Variants in RAB3IP observed in about 807,000 individuals in gnomAD.
The protein encoded by RAB3IP is rab-3A-interacting protein.
Under a neutral mutation model 59.1 loss-of-function variants are expected in RAB3IP, and 36 were observed. The observed-to-expected ratio is 0.61, with a 90% CI of 0.47 to 0.80. The LOEUF is 0.80. RAB3IP is among the 30% of genes least tolerant of loss of function. The pLI is 0.00. For synonymous variants in RAB3IP, 207 were observed against 191.2 expected (o/e 1.08, Z -0.68); for missense variants, 511 against 536.0 (o/e 0.95, Z 0.46).
rs1336981472 is a variant in RAB3IP at position 69,751,271 on chromosome 12, T to C, written c.-25-4113T>C. ...TTGGTTAGTGGGAGTCCGTTTGATA[T>C]CAGTCCAGTAGTTTTTGATGGTGTG... On this transcript the variant is annotated intron_variant, in intron 1 of 10. Transcript: ENST00000247833. 3.3e-5 allele frequency among the ~76,000 whole-genome samples: 5 copies of C among 152,294 alleles called. No homozygotes were observed. The South Asian group carries it at 1.0e-3, about 32-fold the overall frequency.
chr12:69,809,023 T>C (rs1592623427), intron 8 of RAB3IP, among the ~76,000 whole-genome samples: 1 of 151,804 alleles, frequency 6.6e-6, no homozygotes, highest in East Asian at 1.9e-4. Flanking sequence ...GGCATGTTTT[T>C]GCAGTGGCTG....
intron 1 of RAB3IP, among the ~76,000 whole-genome samples, chr12:69,745,725 A>G (rs1391671355): frequency 6.6e-6 from 1 of 152,168 alleles, no homozygotes; most frequent in Non-Finnish European, 1.5e-5. Flanking sequence ...TTTGTTACAT[A>G]GGTATACACG....
At chr12:69,749,500 G>A (rs973155452) in intron 1 of RAB3IP, among the ~76,000 whole-genome samples, 4 of 152,156 alleles carry the variant, frequency 2.6e-5, no homozygotes, top group African/African-American at 9.7e-5. Context: ...TTTCCAGATG[G>A]GAGAACCTAG....
At chr12:69,785,239 C>T (rs928449320) in intron 4 of RAB3IP, among the ~76,000 whole-genome samples, 8 of 152,258 alleles carry the variant, frequency 5.3e-5, no homozygotes, top group East Asian at 1.9e-4. Flanking sequence ...ATATCCAGCC[C>T]GCCACCAGGA....
chr12:69,767,824 G>C (rs930339248), intron 3 of RAB3IP, among the ~76,000 whole-genome samples: 2 of 151,836 alleles, frequency 1.3e-5, no homozygotes, highest in African/African-American at 4.8e-5. Context: ...GGAAGGTTGG[G>C]GTGGCTCAGA....
At chr12:69,807,060 G>A (rs1192358126) in intron 8 of RAB3IP, among the ~76,000 whole-genome samples, 3 of 152,058 alleles carry the variant, frequency 2.0e-5, no homozygotes, top group South Asian at 2.1e-4. Context: ...AACCGCCATC[G>A]TCATCATGGC....
chr12:69,812,747 C>A (rs936554994), intron 8 of RAB3IP, 31 bp from the exon 9 acceptor site: 2 of 1,514,510 alleles, frequency 1.3e-6, no homozygotes, highest in African/African-American at 1.4e-5. Context: ...CTTTTCATTT[C>A]AAAAAACTGA....
intron 3 of RAB3IP, among the ~76,000 whole-genome samples, chr12:69,773,299 G>C (rs1207975084): frequency 2.7e-5 from 4 of 150,532 alleles, no homozygotes; most frequent in African/African-American, 7.3e-5. Flanking sequence ...AATATGATTA[G>C]TGATCTTTGA....
At chr12:69,792,699 C>G (rs908867545) in intron 4 of RAB3IP, among the ~76,000 whole-genome samples, 8 of 152,240 alleles carry the variant, frequency 5.3e-5, no homozygotes, top group African/African-American at 1.7e-4. Flanking sequence ...CTCATCTTTC[C>G]TTTTGGGGCT....
chr12:69,763,219 A>C (rs1483693999), intron 3 of RAB3IP, among the ~76,000 whole-genome samples: 1 of 152,228 alleles, frequency 6.6e-6, no homozygotes, highest in Admixed American at 6.5e-5. Context: ...ATGATTTTTC[A>C]TGGAAACTCT....
At position 69,820,787 on chromosome 12, in the gene RAB3IP, G is replaced by A. The variant is rs913240116; in HGVS notation, c.*5341G>A. 4 of 147,256 alleles carry A rather than the reference G, an allele frequency of 2.7e-5. No individual in the cohort carries two copies. The highest frequency in any genetic ancestry group is 9.9e-5 in the African/African-American group (4 of 40,302). 9.1% of individuals were successfully genotyped at this position (147,256 alleles called of 1,614,324 possible). ...TCAGGAGAAACGCTCGAACCCAGGA[G>A]GCAGAGGTTGTGGTGAGTTGACATC... is the stretch of plus-strand genomic sequence containing the variant. On this transcript the variant is annotated 3_prime_UTR_variant, in exon 11 of 11. Transcript: ENST00000247833.
intron 8 of RAB3IP, among the ~76,000 whole-genome samples, chr12:69,804,075 C>T (rs1210284410): frequency 6.6e-6 from 1 of 152,138 alleles, no homozygotes; most frequent in Non-Finnish European, 1.5e-5. Flanking sequence ...AATCGCCACA[C>T]TGACTTCCAC....
intron 1 of RAB3IP, among the ~76,000 whole-genome samples, chr12:69,743,509 T>G (rs1887546426): frequency 1.3e-5 from 2 of 152,226 alleles, no homozygotes; most frequent in Non-Finnish European, 2.9e-5. Context: ...AATCATACAT[T>G]TATGTTGTGC....
At chr12:69,760,044 G>A (rs1871040569) in intron 3 of RAB3IP, among the ~76,000 whole-genome samples, 1 of 152,244 alleles carries the variant, frequency 6.6e-6, no homozygotes, top group South Asian at 2.1e-4. Flanking sequence ...GGAGGTGGAG[G>A]TTGTAGCTAG....
At chr12:69,765,858 A>T (rs76434676) in intron 3 of RAB3IP, among the ~76,000 whole-genome samples, 6,008 of 152,252 alleles carry the variant, frequency 0.039, 127 homozygotes, top group Non-Finnish European at 0.048. Flanking sequence ...TTCCCTTAGC[A>T]GTTGCTTGTC....
intron 8 of RAB3IP, among the ~76,000 whole-genome samples, chr12:69,809,870 G>A (rs1880128244): frequency 6.6e-6 from 1 of 152,040 alleles, no homozygotes; most frequent in African/African-American, 2.4e-5. Flanking sequence ...CAGAGAGTTT[G>A]ATCTTCTGAA....
intron 1 of RAB3IP, among the ~76,000 whole-genome samples, chr12:69,746,886 C>CGCA (rs1209665797): frequency 6.6e-6 from 1 of 152,150 alleles, no homozygotes; most frequent in Non-Finnish European, 1.5e-5. Flanking sequence ...TCCCTGCCCC[C>CGCA]CTTCCACAAC....
rs371619052 is a variant in RAB3IP, at chr12:69,782,112, G to A, written c.511-2608G>A. On this transcript the variant is annotated intron_variant, in intron 3 of 10. Coordinates refer to ENST00000247833, the MANE Select transcript of RAB3IP (RefSeq NM_022456.5). Reference sequence around the variant, plus strand: ...CACAGTTACAACACCACTAACTCGTGTTCTGAGTTTTGGCCATTCTAGTAG... The same window carrying A: ...CACAGTTACAACACCACTAACTCGTATTCTGAGTTTTGGCCATTCTAGTAG... 2.0e-5 allele frequency among the ~76,000 whole-genome samples: 3 copies of A among 152,156 alleles called. No individual in the cohort carries two copies. The East Asian group carries it at 5.8e-4, about 29-fold the overall frequency.
At chr12:69,752,513 A>G (rs747353987) in intron 1 of RAB3IP, among the ~76,000 whole-genome samples, 2 of 151,994 alleles carry the variant, frequency 1.3e-5, no homozygotes, top group Admixed American at 1.3e-4. Flanking sequence ...GTTTTTTGCT[A>G]TTACGAAGAG....
Sources: gnomAD v4.1 joint callset for allele counts (sites outside exome capture counted in the v4.1 genomes callset) on GRCh38, gnomAD v4.1.1 for gene constraint, MANE v1.5 for transcripts, NCBI Gene and HGNC (gene_info 2026-07-23, HGNC 2026-07-21) for gene names.